Variants in TRAPPC3L observed in about 807,000 individuals in gnomAD.
TRAPPC3L encodes trafficking protein particle complex subunit 3L.
TRAPPC3L carries 23 observed loss-of-function variants against 23.7 expected under a neutral mutation model. That is an observed-to-expected ratio of 0.97 (90% CI 0.70 to 1.37). The LOEUF (loss-of-function observed/expected upper bound fraction) is 1.37. TRAPPC3L is among the 40% of genes most tolerant of loss of function. The pLI, the probability that TRAPPC3L is intolerant of heterozygous loss-of-function variation, is 0.00. For synonymous variants in TRAPPC3L, 81 were observed against 77.9 expected (o/e 1.04, Z -0.21); for missense variants, 212 against 216.8 (o/e 0.98, Z 0.14).
intron 4 of TRAPPC3L, among the ~76,000 whole-genome samples, chr6:116,499,132 G>C (rs1468629035): frequency 6.6e-6 from 1 of 152,074 alleles, no homozygotes; most frequent in African/African-American, 2.4e-5. Context: ...TGTTCCTCTT[G>C]GTTTAATAGT....
chr6:116,516,626 C>T (rs910886566), intron 3 of TRAPPC3L: 9 of 137,556 alleles, frequency 6.5e-5, no homozygotes, highest in African/African-American at 1.6e-4. Flanking sequence ...TTTGCCTTTG[C>T]GAACCATTTC....
rs781473154 is a variant in TRAPPC3L at position 116,512,020 on chromosome 6, G to T, written c.241-11354C>A. On this transcript the variant is annotated intron_variant, in intron 3 of 4. Transcript: ENST00000368602. ...TCGGCCAGATCACTCTGAGCTCATT[G>T]GTGGCTCCAGTGATGTGGCTTTCTG... 8 of 1,613,830 alleles carry T rather than the reference G, an allele frequency of 5.0e-6. No homozygotes were observed. The South Asian group carries it at 8.8e-5, about 18-fold the overall frequency.
In TRAPPC3L at chr6:116,508,985, G is replaced by C. The variant is rs537056773; in HGVS notation, c.241-8319C>G. On this transcript the variant is annotated intron_variant, in intron 3 of 4. Coordinates refer to ENST00000368602, the MANE Select transcript of TRAPPC3L (RefSeq NM_001139444.3). ...AGATTTGATAAATGAATTTAGTAAA[G>C]TCTTAGTTTACAAAACTAATGTACC... Among the ~76,000 whole-genome samples, 9 of 150,294 alleles carry C rather than the reference G, an allele frequency of 6.0e-5. No individual in the cohort carries two copies. The East Asian group carries it at 1.8e-3, about 30-fold the overall frequency.
intron 3 of TRAPPC3L, among the ~76,000 whole-genome samples, chr6:116,537,942 TA>T (rs1174083988): frequency 1.3e-5 from 2 of 152,206 alleles, no homozygotes; most frequent in South Asian, 4.1e-4. Flanking sequence ...TTCCTGTGGC[TA>T]ATAGAGAATG....
chr6:116,530,521 A>G (rs571918841), intron 3 of TRAPPC3L, among the ~76,000 whole-genome samples: 20 of 152,306 alleles, frequency 1.3e-4, no homozygotes, highest in Admixed American at 7.8e-4. Context: ...TACCTATTGT[A>G]GCACAACATC....
At chr6:116,534,397 A>G (rs1453630992) in intron 3 of TRAPPC3L, among the ~76,000 whole-genome samples, 1 of 152,062 alleles carries the variant, frequency 6.6e-6, no homozygotes, top group Non-Finnish European at 1.5e-5. Context: ...GGCTTGAAAT[A>G]TTTTCATTCG....
chr6:116,515,084 A>G (rs935967546), intron 3 of TRAPPC3L, among the ~76,000 whole-genome samples: 1 of 152,196 alleles, frequency 6.6e-6, no homozygotes, highest in Non-Finnish European at 1.5e-5. Context: ...CTCAGCCTTT[A>G]AATTCTTATA....
At chr6:116,519,833 A>G (rs1772297229) in intron 3 of TRAPPC3L, 4 of 152,198 alleles carry the variant, frequency 2.6e-5, no homozygotes, top group Admixed American at 2.6e-4. Context: ...GTGTACACAT[A>G]TATATATGAT....
chr6:116,512,039 C>T (rs11539385), intron 3 of TRAPPC3L: 2 of 1,614,006 alleles, frequency 1.2e-6, no homozygotes, highest in Non-Finnish European at 1.7e-6. Flanking sequence ...AGTGATGTGG[C>T]TTTCTGTGGC....
chr6:116,532,618 A>G (rs760299922), intron 3 of TRAPPC3L, among the ~76,000 whole-genome samples: 2 of 152,248 alleles, frequency 1.3e-5, no homozygotes, highest in Non-Finnish European at 2.9e-5. Context: ...TAGTATTATC[A>G]TAACTTTGGG....
intron 3 of TRAPPC3L, among the ~76,000 whole-genome samples, chr6:116,501,532 T>C (rs763112647): frequency 6.6e-6 from 1 of 152,214 alleles, no homozygotes; most frequent in Non-Finnish European, 1.5e-5. Context: ...AGCATGGTGT[T>C]TGAGCTCCGA....
At chr6:116,513,723 C>T (rs947895347) in intron 3 of TRAPPC3L, among the ~76,000 whole-genome samples, 1 of 152,106 alleles carries the variant, frequency 6.6e-6, no homozygotes. Flanking sequence ...TCCAGACCAA[C>T]AATAGGTGTA....
intron 2 of TRAPPC3L, among the ~76,000 whole-genome samples, chr6:116,541,985 A>G (rs1242143255): frequency 6.6e-6 from 1 of 152,174 alleles, no homozygotes; most frequent in East Asian, 1.9e-4. Context: ...ATTCTTTAAT[A>G]TTTCTTTCAT....
intron 3 of TRAPPC3L, among the ~76,000 whole-genome samples, chr6:116,530,902 C>T (rs1397244666): frequency 1.3e-5 from 1 of 76,470 alleles, no homozygotes; most frequent in African/African-American, 5.5e-5. Context: ...AAGTGAGACT[C>T]ATATATATAT....
chr6:116,496,045 T>C lies in TRAPPC3L; in HGVS notation c.*909A>G, dbSNP rs1233505435. ...GCTCTCTGCAGAGCCCAGTAGATTC[T>C]GGGCTGCCTTGTAGGCCGCCCTTGT... On this transcript the variant is annotated 3_prime_UTR_variant, in exon 5 of 5. Coordinates refer to ENST00000368602, the MANE Select transcript of TRAPPC3L (RefSeq NM_001139444.3). 2.0e-5 allele frequency: 3 copies of C among 152,238 alleles called. No homozygotes were observed. Among genetic ancestry groups the C allele is most frequent in the Non-Finnish European group, 4.4e-5 (3 of 68,042 alleles). The allele number at this position is 152,238 out of a possible 1,614,324, so 9.4% of individuals were successfully genotyped here. A position where few individuals can be genotyped will look rare whatever the true frequency, so the allele number is the denominator to read the frequency against.
intron 3 of TRAPPC3L, among the ~76,000 whole-genome samples, chr6:116,526,839 G>A (rs1202872384): frequency 1.3e-5 from 2 of 152,042 alleles, no homozygotes; most frequent in Non-Finnish European, 1.5e-5. Context: ...CAAAGCTATT[G>A]CTATTTTCAG....
At chr6:116,518,373 T>G (rs1419639226) in intron 3 of TRAPPC3L, 1 of 152,094 alleles carries the variant, frequency 6.6e-6, no homozygotes, top group East Asian at 1.9e-4. Context: ...TGGCAAGGAG[T>G]GTTCAGTGTT....
At chr6:116,542,022 T>G (rs1773494691) in intron 2 of TRAPPC3L, among the ~76,000 whole-genome samples, 1 of 152,204 alleles carries the variant, frequency 6.6e-6, no homozygotes, top group Non-Finnish European at 1.5e-5. Flanking sequence ...CTCAATTAGC[T>G]AACCAAAGGT....
At chr6:116,508,440 G>A (rs2115161092) in intron 3 of TRAPPC3L, among the ~76,000 whole-genome samples, 1 of 152,322 alleles carries the variant, frequency 6.6e-6, no homozygotes, top group Non-Finnish European at 1.5e-5. Context: ...CCCCAAAGGT[G>A]TGAACTGGCT....
Sources: gnomAD v4.1 joint callset for allele counts (sites outside exome capture counted in the v4.1 genomes callset) on GRCh38, gnomAD v4.1.1 for gene constraint, MANE v1.5 for transcripts, NCBI Gene and HGNC (gene_info 2026-07-23, HGNC 2026-07-21) for gene names.